The following NTSR1 variants were observed in gnomAD, a reference collection of about 807,000 sequenced individuals.
NTSR1 encodes neurotensin receptor 1.
In NTSR1, 29 loss-of-function variants were observed where a neutral mutation model predicts 31.2. That is an observed-to-expected ratio of 0.93 (90% CI 0.69 to 1.27). The LOEUF is 1.27. NTSR1 is among the 50% of genes most tolerant of loss of function. NTSR1 has a pLI of 0.00. For missense variants in NTSR1, 697 were observed against 595.4 expected, an observed-to-expected ratio of 1.17 and a Z score of -1.78; for synonymous variants, 282 against 269.9, an observed-to-expected ratio of 1.04 and a Z score of -0.44.
intron 1 of NTSR1, among the ~76,000 whole-genome samples, chr20:62,748,516 C>G (rs1989340979): frequency 6.6e-6 from 1 of 152,162 alleles, no homozygotes; most frequent in Non-Finnish European, 1.5e-5. Context: ...ATCACACTTC[C>G]TAATTTCCTT....
rs531921966 is a variant in NTSR1 at position 62,709,633 on chromosome 20, C to G, written c.426C>G (p.Arg142=). 1 of 1,612,256 alleles carries G rather than the reference C, an allele frequency of 6.2e-7. No homozygotes were observed. The highest frequency in any genetic ancestry group is 2.2e-5 in the East Asian group (1 of 44,870). Residue 142 remains arginine (R), a synonymous_variant, in exon 1 of 4, where the codon CGC becomes CGG. Transcript: ENST00000370501. ...GGGCCTTCGGCGACGCCGGCTGCCG[C>G]GGCTACTACTTCCTGCGCGACGCCT... ...HPWAFGDAGC[R]GYYFLRDACT...
Position 62,762,622 on chromosome 20 carries a change from G to A in NTSR1, c.*2355G>A, listed in dbSNP as rs985504331. On this transcript the variant is annotated 3_prime_UTR_variant, in exon 4 of 4. Transcript: ENST00000370501. ...TGGCCCTGCGTGCCATGAGTGCGTC[G>A]GTCATGGAGTCCGGAGCCCCTGAGC... The A allele has an allele frequency of 1.3e-5, 2 of 152,104 alleles. No individual in the cohort carries two copies. The highest frequency in any genetic ancestry group is 2.1e-4 in the South Asian group (1 of 4,832). The allele number at this position is 152,104 out of a possible 1,614,324, so 9.4% of individuals were successfully genotyped here.
At chr20:62,719,066 A>G (rs1600720019) in intron 1 of NTSR1, among the ~76,000 whole-genome samples, 1 of 151,604 alleles carries the variant, frequency 6.6e-6, no homozygotes, top group Non-Finnish European at 1.5e-5. Flanking sequence ...ATGATGGTGA[A>G]TAGGAGTGAT....
Position 62,723,773 on chromosome 20 carries a change from GC to G in NTSR1, c.714+13857del, listed in dbSNP as rs570103581. Among the ~76,000 whole-genome samples the G allele has an allele frequency of 3.4e-3, 514 of 152,340 alleles. 3 individuals carry two copies. The highest frequency in any genetic ancestry group is 5.0e-3 in the Non-Finnish European group (342 of 68,032). ...CTCTGGCCTGTCCTTAGTACAGGGAGCCCCCAAGCACGGGGCTTTATTTCCT... is the reference window on the plus strand; with the variant it reads ...CTCTGGCCTGTCCTTAGTACAGGGAGCCCCAAGCACGGGGCTTTATTTCCT... On this transcript the variant is annotated intron_variant, in intron 1 of 3. Coordinates refer to ENST00000370501, the MANE Select transcript of NTSR1 (RefSeq NM_002531.3).
chr20:62,718,840 G>T (rs1462121129), intron 1 of NTSR1, among the ~76,000 whole-genome samples: 1 of 152,216 alleles, frequency 6.6e-6, no homozygotes, highest in Non-Finnish European at 1.5e-5. Context: ...CACATATGAT[G>T]AATTTTGTGT....
intron 1 of NTSR1, among the ~76,000 whole-genome samples, chr20:62,753,775 C>G (rs1418828117): frequency 6.6e-6 from 1 of 152,232 alleles, no homozygotes; most frequent in Non-Finnish European, 1.5e-5. Flanking sequence ...CATTGGAAGC[C>G]GGGCCATGGC....
chr20:62,759,598 C>A (rs1366065033), intron 3 of NTSR1, among the ~76,000 whole-genome samples: 2 of 152,178 alleles, frequency 1.3e-5, no homozygotes, highest in African/African-American at 4.8e-5. Context: ...CACGGTGAAA[C>A]CCCGTCTCTA....
chr20:62,748,698 T>A, intron 1 of NTSR1, among the ~76,000 whole-genome samples: 1 of 152,150 alleles, frequency 6.6e-6, no homozygotes, highest in East Asian at 1.9e-4. Flanking sequence ...TCATCCCCAG[T>A]GTGGCAGGAT....
In NTSR1 at chr20:62,709,734, C is replaced by T; in HGVS notation, c.527C>T (p.Ala176Val). The T allele has an allele frequency of 6.2e-7, 1 of 1,613,030 alleles. No homozygotes were observed. ...RYLAICHPFKAKTLMSRSRTK... is the reference protein window; with the variant it reads ...RYLAICHPFKVKTLMSRSRTK... ...CTGGCCATCTGCCACCCCTTCAAGG[C>T]CAAGACCCTCATGTCCCGAAGCCGC... Residue 176 changes from alanine (A) to valine (V), a missense_variant, in exon 1 of 4, where the codon GCC becomes GTC. Coordinates refer to ENST00000370501, the MANE Select transcript of NTSR1 (RefSeq NM_002531.3).
rs1290432799 is a variant in NTSR1 at position 62,762,748 on chromosome 20, G to A, written c.*2481G>A. 6.6e-6 allele frequency: 1 copy of A among 152,212 alleles called. No individual in the cohort carries two copies. Among genetic ancestry groups the A allele is most frequent in the African/African-American group, 2.4e-5 (1 of 41,444 alleles). The allele number at this position is 152,212 out of a possible 1,614,324, so 9.4% of individuals were successfully genotyped here. A position where few individuals can be genotyped will look rare whatever the true frequency, so the allele number is the denominator to read the frequency against. ...AAACCCCGTGTATCTCTCAATAAAGGTGGCCGAAGGGCCTCGATGTGGACT... is the reference window on the plus strand; with the variant it reads ...AAACCCCGTGTATCTCTCAATAAAGATGGCCGAAGGGCCTCGATGTGGACT... On this transcript the variant is annotated 3_prime_UTR_variant, in exon 4 of 4. Transcript: ENST00000370501.
chr20:62,739,826 C>T (rs113997030), intron 1 of NTSR1, among the ~76,000 whole-genome samples: 4,713 of 152,352 alleles, frequency 0.031, 160 homozygotes, highest in African/African-American at 0.087. Context: ...GTGCAGCGGC[C>T]GGCGACGGCC....
chr20:62,710,481 G>A (rs144332262), intron 1 of NTSR1, among the ~76,000 whole-genome samples: 14 of 152,216 alleles, frequency 9.2e-5, no homozygotes, highest in Non-Finnish European at 1.9e-4. Flanking sequence ...GAGAGAGGAC[G>A]CGTGGGAAGT....
chr20:62,710,752 G>T (rs187444536), intron 1 of NTSR1, among the ~76,000 whole-genome samples: 158 of 152,272 alleles, frequency 1.0e-3, no homozygotes, highest in African/African-American at 3.7e-3. Flanking sequence ...GGAGGGGAGG[G>T]CTGATCAAAC....
At chr20:62,750,299 G>A (rs560192721) in intron 1 of NTSR1, among the ~76,000 whole-genome samples, 4 of 152,312 alleles carry the variant, frequency 2.6e-5, no homozygotes, top group East Asian at 1.9e-4. Context: ...GGAGGGGAAC[G>A]AGGAATGGGG....
In NTSR1 at chr20:62,727,903, C is replaced by G. The variant is rs115443703; in HGVS notation, c.714+17982C>G. On this transcript the variant is annotated intron_variant, in intron 1 of 3. Transcript: ENST00000370501. ...GGGACAGACCTGTGTTCCCGGCGCT[C>G]CCGGCGTGGGCCGACCCAGCACCTG... Among the ~76,000 whole-genome samples, 1,338 of 152,358 alleles carry G rather than the reference C, an allele frequency of 8.8e-3. 12 individuals carry two copies. Among genetic ancestry groups the G allele is most frequent in the African/African-American group, 0.016 (646 of 41,584 alleles).
At chr20:62,709,999 G>A (rs1421482683) in intron 1 of NTSR1, 78 bp downstream of exon 1, 3 of 1,191,748 alleles carry the variant, frequency 2.5e-6, no homozygotes, top group Non-Finnish European at 3.5e-6. Flanking sequence ...CTTCTGGGTA[G>A]GGAGTGGGAG....
chr20:62,709,797 C>T lies in NTSR1; in HGVS notation c.590C>T (p.Ala197Val). 6.2e-7 allele frequency: 1 copy of T among 1,612,886 alleles called. No individual in the cohort carries two copies. The highest frequency in any genetic ancestry group is 8.5e-7 in the Non-Finnish European group (1 of 1,179,916). ...KFISAIWLAS[A>V]LLAVPMLFTM... ...ATCAGCGCCATCTGGCTCGCCTCGG[C>T]CCTGCTGGCGGTGCCTATGCTGTTC... The change falls in exon 1 of 4, where the codon GCC (alanine) becomes GTC (valine). Residue 197 changes from alanine (A) to valine (V), a missense_variant. Transcript: ENST00000370501.
In NTSR1 at chr20:62,709,567, GC is replaced by G. The variant is rs772522107; in HGVS notation, c.363del (p.Val122TrpfsTer41). 2.5e-6 allele frequency: 4 copies of G among 1,611,592 alleles called. No individual in the cohort carries two copies. Among genetic ancestry groups the G allele is most frequent in the Non-Finnish European group, 3.4e-6 (4 of 1,179,876 alleles). On this transcript the variant is annotated frameshift_variant, in exon 1 of 4. Transcript: ENST00000370501. LOFTEE classifies it high-confidence loss of function. ...SDLLTLLLAM[P>X]VELYNFIWVH... ...ACCTGCTCACCCTGCTGCTGGCCAT[GC>G]CCGTGGAGCTGTACAACTTCATCTG...
At position 62,761,391 on chromosome 20, in the gene NTSR1, C is replaced by T. The variant is rs1159416045; in HGVS notation, c.*1124C>T. The T allele has an allele frequency of 6.6e-6, 1 of 152,334 alleles. No individual in the cohort carries two copies. The allele number at this position is 152,334 out of a possible 1,614,324, so 9.4% of individuals were successfully genotyped here. A position where few individuals can be genotyped will look rare whatever the true frequency, so the allele number is the denominator to read the frequency against. On this transcript the variant is annotated 3_prime_UTR_variant, in exon 4 of 4. Transcript: ENST00000370501. ...GAGGCACAGACTCATTTGTCACCTT[C>T]TGGCGGCGGCAGCCCTGGCCCCGGC... is the stretch of plus-strand genomic sequence containing the variant.
Sources: gnomAD v4.1 joint callset for allele counts (sites outside exome capture counted in the v4.1 genomes callset) on GRCh38, gnomAD v4.1.1 for gene constraint, MANE v1.5 for transcripts, NCBI Gene and HGNC (gene_info 2026-07-23, HGNC 2026-07-21) for gene names.